The following DMD variants were observed in gnomAD, a reference collection of about 807,000 sequenced individuals.
DMD encodes the protein mutant dystrophin.
A neutral mutation model predicts 330.1 loss-of-function variants in DMD; 63 were observed. That is an observed-to-expected ratio of 0.19 (90% CI 0.16 to 0.24). The LOEUF is 0.24. Among genes scored for constraint, DMD ranks in the 10% least tolerant of loss-of-function variants. The probability of loss-of-function intolerance (pLI) is 1.00; values close to 1 mark genes in which losing one functional copy is unlikely to be tolerated. For missense variants in DMD, 3,344 were observed against 2,684.1 expected (o/e 1.25, Z -5.43); for synonymous variants, 1,223 against 959.8 (o/e 1.27, Z -5.07).
intron 62 of DMD, among the ~76,000 whole-genome samples, chrX:31,293,528 T>C (rs1274244793): frequency 9.0e-6 from 1 of 111,218 alleles, no homozygotes; most frequent in Non-Finnish European, 1.9e-5. Context: ...CACCATATTT[T>C]CTGATCTATT....
chrX:32,751,172 AAC>A (rs1435367050), intron 7 of DMD, among the ~76,000 whole-genome samples: 7 of 111,901 alleles, frequency 6.3e-5, no homozygotes, highest in African/African-American at 2.3e-4. Context: ...ATGTGGAAGC[AAC>A]TTTGGAACTG....
chrX:32,925,154 T>G (rs2088865489), intron 2 of DMD, among the ~76,000 whole-genome samples: 1 of 91,858 alleles, frequency 1.1e-5, no homozygotes, highest in Non-Finnish European at 2.1e-5. Context: ...GGTTTTTTTT[T>G]TTTTTTTTTT....
chrX:32,773,163 C>G (rs1322958447), intron 7 of DMD, among the ~76,000 whole-genome samples: 1 of 112,081 alleles, frequency 8.9e-6, no homozygotes, highest in Non-Finnish European at 1.9e-5. Flanking sequence ...ACAGGTGTTT[C>G]TATGGTATTC....
intron 54 of DMD, among the ~76,000 whole-genome samples, chrX:31,644,987 C>T (rs772980015): frequency 1.8e-5 from 2 of 111,492 alleles, no homozygotes; most frequent in South Asian, 7.6e-4. Context: ...TAATCACTAG[C>T]GTGGTGTGGT....
intron 37 of DMD, 129 bp downstream of exon 37, chrX:32,362,659 A>G: frequency 1.4e-6 from 1 of 732,804 alleles, no homozygotes; most frequent in East Asian, 3.2e-5. Context: ...ATTTCCTTAA[A>G]TACATTTTGG....
At chrX:33,006,425 A>T (rs2093397552) in intron 2 of DMD, among the ~76,000 whole-genome samples, 1 of 112,081 alleles carries the variant, frequency 8.9e-6, no homozygotes, top group Non-Finnish European at 1.9e-5. Flanking sequence ...ATAGTGTGGA[A>T]ATAGACCCAC....
At position 31,690,955 on chromosome X, in the gene DMD, C is replaced by T. The variant is rs148528747; in HGVS notation, c.7661-11369G>A. Among the ~76,000 whole-genome samples the T allele has an allele frequency of 6.0e-3, 655 of 109,892 alleles. 1 individual carries two copies. The highest frequency in any genetic ancestry group is 0.021 in the African/African-American group (622 of 30,105). Reference sequence around the variant, plus strand: ...GACGCAGGAAGGGGAACATCACACACCGGGGCCTGTCGTGGGGTGAGGGGA... The same window carrying T: ...GACGCAGGAAGGGGAACATCACACATCGGGGCCTGTCGTGGGGTGAGGGGA... On this transcript the variant is annotated intron_variant, in intron 52 of 78. Transcript: ENST00000357033.
chrX:32,560,195 A>T (rs12011503), intron 16 of DMD, among the ~76,000 whole-genome samples: 3,482 of 108,182 alleles, frequency 0.032, 129 homozygotes, highest in African/African-American at 0.11. Context: ...TGAAAAAAAA[A>T]ATATATATAT....
At chrX:33,314,503 C>T (rs112543276) in intron 1 of DMD, among the ~76,000 whole-genome samples, 25 of 107,538 alleles carry the variant, frequency 2.3e-4, no homozygotes, top group African/African-American at 8.2e-4. Context: ...TGTGATCCGT[C>T]CACCTTGGCC....
chrX:31,414,180 G>GT (rs895873330), intron 60 of DMD, among the ~76,000 whole-genome samples: 4 of 109,344 alleles, frequency 3.7e-5, no homozygotes, highest in Admixed American at 2.0e-4. Flanking sequence ...CACCCGGCTA[G>GT]TTTTTTTTGT....
At chrX:32,381,201 C>T (rs1442143316) in intron 33 of DMD, among the ~76,000 whole-genome samples, 1 of 111,560 alleles carries the variant, frequency 9.0e-6, no homozygotes, top group African/African-American at 3.2e-5. Context: ...TTTAAAGTGT[C>T]TCACATCTGC....
At chrX:32,616,792 G>A (rs1296944328) in intron 11 of DMD, among the ~76,000 whole-genome samples, 2 of 101,129 alleles carry the variant, frequency 2.0e-5, no homozygotes, top group East Asian at 6.2e-4. Context: ...TAGCTTACAG[G>A]ACCTCTGGGT....
At chrX:32,362,419 G>A (rs1603631692) in intron 37 of DMD, among the ~76,000 whole-genome samples, 1 of 111,815 alleles carries the variant, frequency 8.9e-6, no homozygotes. Context: ...TTATGTTGAT[G>A]GATGACTTGT....
chrX:32,407,141 A>G (rs184666048), intron 30 of DMD, among the ~76,000 whole-genome samples: 8 of 111,692 alleles, frequency 7.2e-5, no homozygotes, highest in Non-Finnish European at 1.1e-4. Flanking sequence ...TAATTAAACT[A>G]AAGAGCTTCT....
chrX:31,206,782 A>C (rs891001324), intron 65 of DMD, 115 bp from the exon 66 acceptor site: 2 of 576,183 alleles, frequency 3.5e-6, no homozygotes, highest in Non-Finnish European at 5.9e-6. Flanking sequence ...GTGCTCAATG[A>C]TGTGTGAACT....
intron 53 of DMD, among the ~76,000 whole-genome samples, chrX:31,671,651 A>G (rs1603444094): frequency 8.9e-6 from 1 of 112,076 alleles, no homozygotes; most frequent in African/African-American, 3.2e-5. Flanking sequence ...TTTAATACCA[A>G]TTCAATTTCT....
chrX:32,597,802 T>A (rs1394203383), intron 12 of DMD, among the ~76,000 whole-genome samples: 1 of 112,142 alleles, frequency 8.9e-6, no homozygotes, highest in Non-Finnish European at 1.9e-5. Flanking sequence ...CCAGATCCCA[T>A]AAGACCTTAC....
chrX:33,085,673 A>C (rs766227101), intron 1 of DMD, among the ~76,000 whole-genome samples: 1 of 111,894 alleles, frequency 8.9e-6, no homozygotes, highest in Admixed American at 9.6e-5. Flanking sequence ...TTCTCCTTTC[A>C]AGTCAGATTT....
chrX:32,472,697 T>C (rs2148488909), intron 21 of DMD, among the ~76,000 whole-genome samples: 1 of 111,184 alleles, frequency 9.0e-6, no homozygotes, highest in Admixed American at 9.6e-5. Context: ...GAAAGGCTAC[T>C]CTCTCTCAGT....
Sources: allele counts gnomAD v4.1 joint callset (sites outside exome capture counted in the v4.1 genomes callset), GRCh38; gene constraint gnomAD v4.1.1; transcripts MANE v1.5; gene names NCBI Gene and HGNC (gene_info 2026-07-23, HGNC 2026-07-21).